DSC2: variants seen among roughly 807,000 people sequenced by gnomAD.
DSC2 encodes the protein desmocollin 2, also known as desmocollin-2.
Under a neutral mutation model 87.6 loss-of-function variants are expected in DSC2, and 51 were observed. That is an observed-to-expected ratio of 0.58 (90% confidence interval 0.46 to 0.74). The LOEUF is 0.74. Ranked by LOEUF, DSC2 falls within the 30% of genes least tolerant of loss-of-function variation. DSC2 has a pLI of 0.00. For synonymous variants in DSC2, 383 were observed against 393.2 expected (o/e 0.97, Z 0.31); for missense variants, 1,066 against 1,089.5 (o/e 0.98, Z 0.30).
intron 11 of DSC2, among the ~76,000 whole-genome samples, chr18:31,076,612 C>G (rs28379393): frequency 0.054 from 8,182 of 152,082 alleles, 279 homozygotes; most frequent in African/African-American, 0.097. Context: ...AGAAAATAAA[C>G]AGCAACATTT....
At chr18:31,074,420 AATGTGTGTG>A (rs1567974261) in intron 12 of DSC2, among the ~76,000 whole-genome samples, 42 of 108,644 alleles carry the variant, frequency 3.9e-4, no homozygotes, top group African/African-American at 1.5e-3. Context: ...AAAGAGAAAA[AATGTGTGTG>A]TGTGTGTGTG....
In DSC2 at chr18:31,091,099, T is replaced by G. The variant is rs1987580973; in HGVS notation, c.403A>C (p.Arg135=). 2 of 1,614,080 alleles carry G rather than the reference T, an allele frequency of 1.2e-6. No individual in the cohort carries two copies. Among genetic ancestry groups the G allele is most frequent in the South Asian group, 2.2e-5 (2 of 91,086 alleles). Residue 135 remains arginine (R), a synonymous_variant, in exon 4 of 16, where the codon AGA becomes CGA. Transcript: ENST00000280904. ...GAACAAGGAATTGGAGCCCATCTTCTCTTGGCGCGCCTTAGAACTTTTTCT... is the reference window on the plus strand; with the variant it reads ...GAACAAGGAATTGGAGCCCATCTTCGCTTGGCGCGCCTTAGAACTTTTTCT... ...TKEKVLRRAK[R]RWAPIPCSML... is the part of the protein sequence containing the mutation.
intron 5 of DSC2, 37 bp downstream of exon 5, chr18:31,089,402 A>G: frequency 1.9e-6 from 3 of 1,612,226 alleles, no homozygotes; most frequent in Admixed American, 3.3e-5. Flanking sequence ...GCCAAGCATC[A>G]TCATTGCTAA....
chr18:31,083,390 T>C (rs971346466), intron 7 of DSC2, among the ~76,000 whole-genome samples: 8 of 152,180 alleles, frequency 5.3e-5, no homozygotes, highest in Non-Finnish European at 7.3e-5. Context: ...AATTGAATAG[T>C]TTCTCAAATT....
intron 1 of DSC2, among the ~76,000 whole-genome samples, chr18:31,095,311 A>C (rs919352028): frequency 6.6e-6 from 1 of 152,284 alleles, no homozygotes; most frequent in Non-Finnish European, 1.5e-5. Flanking sequence ...AAGAAAACAA[A>C]AGGACAGTCA....
rs1208326016 is a variant in DSC2, at chr18:31,080,207, T to C, written c.1409A>G (p.Glu470Gly). Residue 470 changes from glutamate (E) to glycine (G), a missense_variant, in exon 10 of 16, where the codon GAG becomes GGG. Transcript: ENST00000280904. ...VNVEDQDEGP[E>G]CNPPIQTVRM... ...AACAGTCTGTATTGGAGGGTTACACTCAGGGCCCTCATCCTGATCTTCTAC... is the reference window on the plus strand; with the variant it reads ...AACAGTCTGTATTGGAGGGTTACACCCAGGGCCCTCATCCTGATCTTCTAC... The C allele has an allele frequency of 6.2e-7, 1 of 1,613,978 alleles. No individual in the cohort carries two copies.
rs1018410986 is a variant in DSC2 at position 31,074,547 on chromosome 18, C to G, written c.1888+136G>C. 6.1e-6 allele frequency: 5 copies of G among 821,532 alleles called. No individual in the cohort carries two copies. In the Admixed American group the frequency reaches 1.1e-4, roughly 18 times the overall value. The allele number at this position is 821,532 out of a possible 1,614,324, so 50.9% of individuals were successfully genotyped here. A position where few individuals can be genotyped will look rare whatever the true frequency, so the allele number is the denominator to read the frequency against. ...TAGAGACACACTAGAGAGACCTACTCCCAACACACAAAAACTGAGAAACTT... is the reference window on the plus strand; with the variant it reads ...TAGAGACACACTAGAGAGACCTACTGCCAACACACAAAAACTGAGAAACTT... On this transcript the variant is annotated intron_variant, in intron 12 of 15. Transcript: ENST00000280904.
chr18:31,075,198 G>A (rs779019767), intron 11 of DSC2, among the ~76,000 whole-genome samples: 12 of 152,082 alleles, frequency 7.9e-5, no homozygotes, highest in Non-Finnish European at 1.5e-4. Context: ...TATGAATGAG[G>A]ACACTTCTGG....
At chr18:31,100,224 C>T (rs1213811911) in intron 1 of DSC2, among the ~76,000 whole-genome samples, 1 of 152,094 alleles carries the variant, frequency 6.6e-6, no homozygotes, top group African/African-American at 2.4e-5. Flanking sequence ...TATCAAACTC[C>T]GAAGCTAAGG....
intron 3 of DSC2, among the ~76,000 whole-genome samples, 156 bp from the exon 4 acceptor site, chr18:31,091,303 AAAGATAATG>A (rs750077251): frequency 8.5e-5 from 13 of 152,184 alleles, no homozygotes; most frequent in Non-Finnish European, 1.8e-4. Context: ...AACACTGCAA[AAAGATAATG>A]AAGAAGTAAC....
chr18:31,071,652 C>A lies in DSC2; in HGVS notation c.2078G>T (p.Gly693Val). The stretch of plus-strand genomic sequence containing the variant: ...CAATATTGCAAGGATGGCCCACTTT[C>A]CAAGTTGTACTCCTCCACCGCCAAT... ...PRIGGGGVQLGKWAILAILLG... is the reference protein window; with the variant it reads ...PRIGGGGVQLVKWAILAILLG... Residue 693 changes from glycine (G) to valine (V), a missense_variant, in exon 13 of 16, where the codon GGA becomes GTA. By Grantham distance (109) the Gly-to-Val change is moderately radical. Transcript: ENST00000280904. 6.2e-7 allele frequency: 1 copy of A among 1,614,070 alleles called. No individual in the cohort carries two copies. The highest frequency in any genetic ancestry group is 8.5e-7 in the Non-Finnish European group (1 of 1,179,988).
intron 5 of DSC2, 82 bp from the exon 6 acceptor site, chr18:31,087,895 T>C: frequency 7.0e-7 from 1 of 1,427,440 alleles, no homozygotes; most frequent in Non-Finnish European, 9.8e-7. Context: ...TGGCTTTAAC[T>C]TGGAGACTGT....
intron 1 of DSC2, chr18:31,101,354 C>T (rs1987942442): frequency 1.2e-6 from 1 of 832,736 alleles, no homozygotes; most frequent in East Asian, 1.3e-4. Context: ...CACCCAAGGA[C>T]ACTCGCTCTC....
intron 12 of DSC2, among the ~76,000 whole-genome samples, chr18:31,073,381 A>G (rs1486556721): frequency 2.8e-5 from 4 of 144,250 alleles, no homozygotes; most frequent in African/African-American, 8.6e-5. Flanking sequence ...ACGCACACAC[A>G]CACACACACA....
intron 14 of DSC2, among the ~76,000 whole-genome samples, chr18:31,069,993 T>C (rs983531717): frequency 2.0e-5 from 3 of 152,204 alleles, no homozygotes; most frequent in African/African-American, 7.2e-5. Flanking sequence ...CATCTAAATA[T>C]ATATGAATAA....
At chr18:31,084,138 T>G (rs1987320699) in intron 7 of DSC2, among the ~76,000 whole-genome samples, 6 of 152,162 alleles carry the variant, frequency 3.9e-5, no homozygotes, top group Admixed American at 3.9e-4. Flanking sequence ...TTCCCTTAAT[T>G]CCATCATCTC....
intron 12 of DSC2, among the ~76,000 whole-genome samples, chr18:31,073,620 A>C (rs1250675109): frequency 6.6e-6 from 1 of 152,200 alleles, no homozygotes; most frequent in East Asian, 1.9e-4. Context: ...AAAAACATTC[A>C]AGGGCATTTA....
intron 5 of DSC2, among the ~76,000 whole-genome samples, chr18:31,088,833 C>T (rs1987489389): frequency 6.6e-6 from 1 of 151,996 alleles, no homozygotes; most frequent in Non-Finnish European, 1.5e-5. Context: ...TATCTCCATA[C>T]TATAAAGAGG....
chr18:31,071,981 A>G, intron 12 of DSC2, 140 bp from the exon 13 acceptor site: 1 of 793,258 alleles, frequency 1.3e-6, no homozygotes, highest in Non-Finnish European at 2.1e-6. Context: ...AGAAGATTCT[A>G]AATGTGAATG....
Sources: gnomAD v4.1 joint callset for allele counts (sites outside exome capture counted in the v4.1 genomes callset) on GRCh38, gnomAD v4.1.1 for gene constraint, MANE v1.5 for transcripts, NCBI Gene and HGNC (gene_info 2026-07-23, HGNC 2026-07-21) for gene names.